The following VPS16 variants were observed in gnomAD, a reference collection of about 807,000 sequenced individuals.
The protein encoded by VPS16 is vacuolar protein sorting-associated protein 16 homolog.
In VPS16, 82 loss-of-function variants were observed where a neutral mutation model predicts 116.0. The ratio of observed to expected loss-of-function variants is 0.71; its 90% CI spans 0.59 to 0.85. The LOEUF is 0.85. VPS16 is among the 40% of genes least tolerant of loss of function. VPS16 has a pLI of 0.00. For synonymous variants in VPS16, 406 were observed against 420.7 expected (o/e 0.96, Z 0.43); for missense variants, 928 against 1,090.6 (o/e 0.85, Z 2.10).
In VPS16 at chr20:2,861,826, C is replaced by T; in HGVS notation, c.921C>T (p.Ser307=). The change falls in exon 10 of 24, where the codon TCC becomes TCT. Residue 307 remains serine, a synonymous_variant. Coordinates refer to ENST00000380445, the MANE Select transcript of VPS16 (RefSeq NM_022575.4). ...ESIQFVLDED[S]YLVPELDGVR... is the part of the protein sequence containing the mutation. ...TCAGGTTTGTGCTGGATGAGGACTCCTACCTGGTGCCTGAGCTCGATGGGG... is the reference window on the plus strand; with the variant it reads ...TCAGGTTTGTGCTGGATGAGGACTCTTACCTGGTGCCTGAGCTCGATGGGG... The T allele has an allele frequency of 6.2e-7, 1 of 1,613,976 alleles. No individual in the cohort carries two copies. Among genetic ancestry groups the T allele is most frequent in the Non-Finnish European group, 8.5e-7 (1 of 1,179,964 alleles).
intron 1 of VPS16, among the ~76,000 whole-genome samples, chr20:2,846,755 T>G (rs74937544): frequency 0.024 from 3,599 of 152,292 alleles, 85 homozygotes; most frequent in African/African-American, 0.058. Context: ...CTCAAGGGTC[T>G]TCTCACACCC....
intron 1 of VPS16, among the ~76,000 whole-genome samples, chr20:2,851,662 C>CA (rs111648973): frequency 0.12 from 14,460 of 122,310 alleles, 1,646 homozygotes; most frequent in African/African-American, 0.29. Flanking sequence ...AACTCCGTCT[C>CA]AAAAAAAAAA....
intron 1 of VPS16, among the ~76,000 whole-genome samples, chr20:2,850,706 GC>G (rs2089109559): frequency 6.6e-6 from 1 of 151,862 alleles, no homozygotes; most frequent in Admixed American, 6.6e-5. Flanking sequence ...GGTAGCTCAC[GC>G]CTGTAATCCC....
chr20:2,844,174 C>T (rs896218042), intron 1 of VPS16, among the ~76,000 whole-genome samples: 1 of 152,170 alleles, frequency 6.6e-6, no homozygotes, highest in Non-Finnish European at 1.5e-5. Context: ...GAGCATGTTT[C>T]ACCTTTTCCA....
chr20:2,860,667 C>T lies in VPS16; in HGVS notation c.514+74C>T. 3.7e-6 allele frequency: 6 copies of T among 1,610,126 alleles called. No individual in the cohort carries two copies. Among genetic ancestry groups the T allele is most frequent in the Non-Finnish European group, 5.1e-6 (6 of 1,177,930 alleles). On this transcript the variant is annotated intron_variant, in intron 5 of 23. Transcript: ENST00000380445. The surrounding 1 kb of genome is among the most constrained non-coding windows in gnomAD (Gnocchi z 6.1). ...CTCTAGCCTGTGAGACCCATAAAAA[C>T]AGAAGCTGTGGCTAGAGACCCATAG...
Position 2,866,680 on chromosome 20 carries a change from G to GC in VPS16, c.*107dup. On this transcript the variant is annotated 3_prime_UTR_variant, in exon 24 of 24. Coordinates refer to ENST00000380445, the MANE Select transcript of VPS16 (RefSeq NM_022575.4). ...TCCTCCCCTAGAGCAATGCTGAGGA[G>GC]CGGGGGCATGGTAGCAGGGCTGTCT... The GC allele has an allele frequency of 6.6e-7, 1 of 1,509,886 alleles. No individual in the cohort carries two copies. Among genetic ancestry groups the GC allele is most frequent in the South Asian group, 1.3e-5 (1 of 78,834 alleles). The allele number at this position is 1,509,886 out of a possible 1,614,324, so 93.5% of individuals were successfully genotyped here.
At chr20:2,848,998 AG>A (rs1259388012) in intron 1 of VPS16, among the ~76,000 whole-genome samples, 2 of 152,184 alleles carry the variant, frequency 1.3e-5, no homozygotes, top group Non-Finnish European at 2.9e-5. Context: ...CTTCTAAGAC[AG>A]CTACCCCAAG....
rs972257226 is a variant in VPS16 at position 2,864,861 on chromosome 20, G to A, written c.1927-117G>A. ...GGACATCAGAGTGGTGCACCTAGCA[G>A]GCAAGGCTGACCCTGGCGACCCTGG... On this transcript the variant is annotated intron_variant, in intron 19 of 23. Transcript: ENST00000380445. This position sits in a 1 kb window ranked among gnomAD's most constrained non-coding sequence, Gnocchi z 5.2. 30 of 1,398,548 alleles carry A rather than the reference G, an allele frequency of 2.1e-5. No individual in the cohort carries two copies. The African/African-American group carries it at 3.8e-4, about 18-fold the overall frequency. 86.6% of individuals were successfully genotyped at this position (1,398,548 alleles called of 1,614,324 possible).
At chr20:2,844,960 CAATT>C (rs777415009) in intron 1 of VPS16, among the ~76,000 whole-genome samples, 1 of 150,994 alleles carries the variant, frequency 6.6e-6, no homozygotes, top group Admixed American at 6.6e-5. Context: ...TGGGAAGCCT[CAATT>C]AAAGGATCTT....
intron 22 of VPS16, 111 bp from the exon 23 acceptor site, chr20:2,866,101 A>G (rs538676218): frequency 2.7e-4 from 243 of 892,828 alleles, no homozygotes; most frequent in Non-Finnish European, 4.1e-4. Context: ...TGACGGGTGT[A>G]TACATATAGA....
At position 2,866,706 on chromosome 20, in the gene VPS16, G is replaced by T. The variant is rs560724725; in HGVS notation, c.*132G>T. 1.1e-4 allele frequency: 144 copies of T among 1,368,496 alleles called. No individual in the cohort carries two copies. Among genetic ancestry groups the T allele is most frequent in the Admixed American group, 2.2e-4 (9 of 41,166 alleles). 84.8% of individuals were successfully genotyped at this position (1,368,496 alleles called of 1,614,324 possible). Reference sequence around the variant, plus strand: ...CGGGGGCATGGTAGCAGGGCTGTCTGGTTTTAAATAAAGTTGGAACACTTC... The same window carrying T: ...CGGGGGCATGGTAGCAGGGCTGTCTTGTTTTAAATAAAGTTGGAACACTTC... On this transcript the variant is annotated 3_prime_UTR_variant, in exon 24 of 24. Coordinates refer to ENST00000380445, the MANE Select transcript of VPS16 (RefSeq NM_022575.4).
At chr20:2,842,896 A>AGATAGATGTATCTATC (rs1568621160) in intron 1 of VPS16, among the ~76,000 whole-genome samples, 1 of 150,116 alleles carries the variant, frequency 6.7e-6, no homozygotes, top group Non-Finnish European at 1.5e-5. Flanking sequence ...ATCGATAGAT[A>AGATAGATGTATCTATC]GATAGATATA....
chr20:2,865,157 G>T lies in VPS16; in HGVS notation c.2014G>T (p.Asp672Tyr). 6.2e-7 allele frequency: 1 copy of T among 1,614,146 alleles called. No homozygotes were observed. The highest frequency in any genetic ancestry group is 8.5e-7 in the Non-Finnish European group (1 of 1,180,012). ...KNEFAAKATEDQMRLLRLQRR... is the reference protein window; with the variant it reads ...KNEFAAKATEYQMRLLRLQRR... ...TTATCCGGGTCCCCAGGCTACAGAG[G>T]ATCAAATGCGGCTCCTACGGCTGCA... The change falls in exon 21 of 24, where the codon GAT becomes TAT. Residue 672 changes from aspartate (D) to tyrosine (Y), a missense_variant. By Grantham distance (160) the Asp-to-Tyr change is radical (BLOSUM62 -3). Transcript: ENST00000380445. This position sits in a 1 kb window ranked among gnomAD's most constrained non-coding sequence, Gnocchi z 5.2.
At chr20:2,855,646 A>G (rs968028974) in intron 1 of VPS16, among the ~76,000 whole-genome samples, 3 of 152,220 alleles carry the variant, frequency 2.0e-5, no homozygotes, top group South Asian at 2.1e-4. Context: ...ACCTTTGTCA[A>G]TGATCTTCGC....
chr20:2,851,998 T>C (rs1378614537), intron 1 of VPS16, among the ~76,000 whole-genome samples: 1 of 152,106 alleles, frequency 6.6e-6, no homozygotes, highest in Non-Finnish European at 1.5e-5. Flanking sequence ...CATACAGGTG[T>C]GCAGAGGACA....
chr20:2,864,422 C>T lies in VPS16; in HGVS notation c.1778C>T (p.Thr593Ile). 2.5e-6 allele frequency: 4 copies of T among 1,614,162 alleles called. No homozygotes were observed. Among genetic ancestry groups the T allele is most frequent in the Non-Finnish European group, 3.4e-6 (4 of 1,180,034 alleles). The change falls in exon 18 of 24, where the codon ACC (threonine) becomes ATC (isoleucine). Residue 593 changes from threonine (T) to isoleucine (I), a missense_variant. Thr to Ile is a moderately conservative substitution (Grantham distance 89). Coordinates refer to ENST00000380445, the MANE Select transcript of VPS16 (RefSeq NM_022575.4). This position sits in a 1 kb window ranked among gnomAD's most constrained non-coding sequence, Gnocchi z 5.2. ...NELNRGDFFM[T>I]LRNQPMALSL... ...CTGAACCGAGGAGATTTTTTCATGA[C>T]CCTTCGGAATCAGCCCATGGCCCTC...
chr20:2,858,018 T>A (rs952221850), intron 1 of VPS16, among the ~76,000 whole-genome samples: 1 of 152,122 alleles, frequency 6.6e-6, no homozygotes, highest in African/African-American at 2.4e-5. Context: ...AATTTCTTGG[T>A]ATAGAAAATA....
At chr20:2,851,842 G>T (rs1300848133) in intron 1 of VPS16, among the ~76,000 whole-genome samples, 3 of 152,124 alleles carry the variant, frequency 2.0e-5, no homozygotes, top group African/African-American at 4.8e-5. Flanking sequence ...GTGATGGCAG[G>T]CTCCTGTAGT....
intron 1 of VPS16, among the ~76,000 whole-genome samples, chr20:2,858,100 GT>G (rs1301349502): frequency 0.018 from 2,454 of 138,806 alleles, 60 homozygotes; most frequent in African/African-American, 0.058. Flanking sequence ...ACTACTTTGG[GT>G]TTTTTTTTTT....
Sources: gnomAD v4.1 joint callset for allele counts (sites outside exome capture counted in the v4.1 genomes callset) on GRCh38, gnomAD v4.1.1 for gene constraint, Gnocchi (gnomAD v3.1) non-coding constraint, MANE v1.5 for transcripts, NCBI Gene and HGNC (gene_info 2026-07-23, HGNC 2026-07-21) for gene names.